The following GCA variants were observed in gnomAD, a reference collection of about 807,000 sequenced individuals.
The protein encoded by GCA is grancalcin, EF-hand calcium-binding protein.
GCA carries 30 observed loss-of-function variants against 32.6 expected under a neutral mutation model. The observed-to-expected ratio is 0.92, with a 90% CI of 0.69 to 1.25. The LOEUF is 1.25. Ranked by LOEUF, GCA falls within the 50% of genes most tolerant of loss-of-function variation. The probability of loss-of-function intolerance (pLI) is 0.00; values close to 1 mark genes in which losing one functional copy is unlikely to be tolerated. For missense variants in GCA, 291 were observed against 266.8 expected, an observed-to-expected ratio of 1.09 and a Z score of -0.63; for synonymous variants, 102 against 84.6, an observed-to-expected ratio of 1.21 and a Z score of -1.13.
chr2:162,347,768 A>G, intron 2 of GCA, 26 bp downstream of exon 2: 2 of 1,356,990 alleles, frequency 1.5e-6, no homozygotes, highest in Non-Finnish European at 2.0e-6. Flanking sequence ...TATTGCATAA[A>G]TATGTCTTTA....
At chr2:162,330,973 T>C (rs1399943967) in intron 1 of GCA, among the ~76,000 whole-genome samples, 2 of 152,248 alleles carry the variant, frequency 1.3e-5, no homozygotes, top group Admixed American at 6.5e-5. Context: ...TTAGTATATA[T>C]TGTTGATTCA....
chr2:162,351,336 G>T (rs1333066668), intron 2 of GCA, among the ~76,000 whole-genome samples: 1 of 152,174 alleles, frequency 6.6e-6, no homozygotes, highest in Non-Finnish European at 1.5e-5. Flanking sequence ...CTTGAAGTTG[G>T]ATATCATTTT....
At chr2:162,360,177 A>C in intron 7 of GCA, 40 bp from the exon 8 acceptor site, 1 of 1,237,426 alleles carries the variant, frequency 8.1e-7, no homozygotes, top group Non-Finnish European at 1.2e-6. Flanking sequence ...ATTAAAAACC[A>C]TTTTATTCTT....
chr2:162,363,375 A>G (rs2105362774), downstream of GCA, among the ~76,000 whole-genome samples: 2 of 151,538 alleles, frequency 1.3e-5, 1 homozygote, highest in South Asian at 4.1e-4. Context: ...TCAATCATTT[A>G]CATAGTGAAT....
intron 1 of GCA, among the ~76,000 whole-genome samples, chr2:162,329,775 T>A (rs1378794817): frequency 6.6e-6 from 1 of 152,146 alleles, no homozygotes; most frequent in Non-Finnish European, 1.5e-5. Context: ...GATTATTTCA[T>A]CACCCAGATA....
intron 1 of GCA, among the ~76,000 whole-genome samples, chr2:162,323,115 T>C (rs1301619126): frequency 2.0e-5 from 3 of 151,828 alleles, no homozygotes; most frequent in Admixed American, 6.5e-5. Context: ...TGGTGTGAGA[T>C]GGTATCTCAT....
At chr2:162,323,065 A>T (rs1683741884) in intron 1 of GCA, among the ~76,000 whole-genome samples, 1 of 151,664 alleles carries the variant, frequency 6.6e-6, no homozygotes, top group Non-Finnish European at 1.5e-5. Flanking sequence ...CCTCTCCATC[A>T]CCTGTTGTTT....
At chr2:162,346,181 C>T (rs1684696715) in intron 1 of GCA, among the ~76,000 whole-genome samples, 1 of 152,026 alleles carries the variant, frequency 6.6e-6, no homozygotes, top group South Asian at 2.1e-4. Flanking sequence ...TTTGTTTGTA[C>T]ATGTTGTATT....
chr2:162,354,287 C>T (rs1026151560), intron 3 of GCA, among the ~76,000 whole-genome samples: 1 of 152,152 alleles, frequency 6.6e-6, no homozygotes, highest in African/African-American at 2.4e-5. Context: ...TCTTGGAACT[C>T]TGGGTGTCAG....
chr2:162,323,222 G>A (rs1284269346), intron 1 of GCA, among the ~76,000 whole-genome samples: 1 of 151,856 alleles, frequency 6.6e-6, no homozygotes, highest in Non-Finnish European at 1.5e-5. Context: ...ACAAGTGTCT[G>A]TTCATGTCCT....
At position 162,344,191 on chromosome 2, in the gene GCA, C is replaced by T; in HGVS notation, c.-58C>T. 2 of 1,604,136 alleles carry T rather than the reference C, an allele frequency of 1.2e-6. No homozygotes were observed. The highest frequency in any genetic ancestry group is 2.2e-5 in the East Asian group (1 of 44,812). ...CCTTGCACCTGCGCCTGTGCTTTTTCTCCCAGCACTGCGGACGCGACTCGA... is the reference window on the plus strand; with the variant it reads ...CCTTGCACCTGCGCCTGTGCTTTTTTTCCCAGCACTGCGGACGCGACTCGA... On this transcript the variant is annotated 5_prime_UTR_variant, in exon 1 of 8. Transcript: ENST00000437150.
chr2:162,371,901 A>G (rs761360521), downstream of GCA: 1 of 1,613,820 alleles, frequency 6.2e-7, no homozygotes, highest in South Asian at 1.1e-5. Flanking sequence ...TTAGGGATGA[A>G]TCTGGCAAAG....
chr2:162,360,528 G>A lies in GCA; in HGVS notation c.*285G>A, dbSNP rs922315949. Reference sequence around the variant, plus strand: ...TAAATAATGCTTAGCCTTAATTTTAGATAATGTAAATTTAGAGGAATGTAC... The same window carrying A: ...TAAATAATGCTTAGCCTTAATTTTAAATAATGTAAATTTAGAGGAATGTAC... On this transcript the variant is annotated 3_prime_UTR_variant, in exon 8 of 8. Coordinates refer to ENST00000437150, the MANE Select transcript of GCA (RefSeq NM_012198.5). 7.0e-6 allele frequency: 7 copies of A among 1,000,730 alleles called. No homozygotes were observed. The African/African-American group carries it at 1.0e-4, about 15-fold the overall frequency. 62.0% of individuals were successfully genotyped at this position (1,000,730 alleles called of 1,614,324 possible). A position where few individuals can be genotyped will look rare whatever the true frequency, so the allele number is the denominator to read the frequency against.
chr2:162,342,280 T>C (rs1004750065), upstream of GCA, among the ~76,000 whole-genome samples: 27 of 152,210 alleles, frequency 1.8e-4, no homozygotes, highest in African/African-American at 5.1e-4. Context: ...AAGAGATATA[T>C]TGGCAGGAAC....
Position 162,344,234 on chromosome 2 carries a change from C to T in GCA, c.-15C>T, listed in dbSNP as rs762863330. 2.5e-6 allele frequency: 4 copies of T among 1,613,710 alleles called. No homozygotes were observed. The Admixed American group carries it at 6.7e-5, about 27-fold the overall frequency. ...CGACTCGAGGGTGACGCTCGCTCCGCTCGTCCCGCTCGTCATGGCCTACCC... is the reference window on the plus strand; with the variant it reads ...CGACTCGAGGGTGACGCTCGCTCCGTTCGTCCCGCTCGTCATGGCCTACCC... On this transcript the variant is annotated 5_prime_UTR_variant, in exon 1 of 8. Coordinates refer to ENST00000437150, the MANE Select transcript of GCA (RefSeq NM_012198.5).
At chr2:162,355,393 G>T (rs957505534) in intron 3 of GCA, among the ~76,000 whole-genome samples, 9 of 152,100 alleles carry the variant, frequency 5.9e-5, no homozygotes, top group African/African-American at 2.2e-4. Flanking sequence ...TTTTTCTTTA[G>T]TGGGTCTAAA....
chr2:162,331,823 G>T (rs1333532942), intron 1 of GCA, among the ~76,000 whole-genome samples: 2 of 152,108 alleles, frequency 1.3e-5, no homozygotes, highest in Admixed American at 6.6e-5. Context: ...TTGGAAACTG[G>T]ATTATGTTTT....
Position 162,333,713 on chromosome 2 carries a change from A to G in GCA, c.-30-13865A>G, listed in dbSNP as rs138225209. On this transcript the variant is annotated intron_variant, in intron 1 of 4. Transcript: ENST00000429691. ...ATGAAGGATTTATGATTTTTAATAG[A>G]GAAAAATAAATAAGGCAGCATGCAT... is the stretch of plus-strand genomic sequence containing the variant. Among the ~76,000 whole-genome samples, 1,251 of 152,298 alleles carry G rather than the reference A, an allele frequency of 8.2e-3. 24 individuals are homozygous for G. The highest frequency in any genetic ancestry group is 0.029 in the African/African-American group (1,194 of 41,524).
intron 5 of GCA, among the ~76,000 whole-genome samples, chr2:162,358,776 AAT>A (rs1239088599): frequency 6.6e-6 from 1 of 151,418 alleles, no homozygotes; most frequent in Non-Finnish European, 1.5e-5. Flanking sequence ...TCAAAATAAC[AAT>A]ATATGATAAA....
Sources: gnomAD v4.1 joint callset for allele counts (sites outside exome capture counted in the v4.1 genomes callset) on GRCh38, gnomAD v4.1.1 for gene constraint, MANE v1.5 for transcripts, NCBI Gene and HGNC (gene_info 2026-07-23, HGNC 2026-07-21) for gene names.